RASA4B: variants seen among roughly 807,000 people sequenced by gnomAD.
RASA4B encodes the protein RAS p21 protein activator 4B, also known as ras GTPase-activating protein 4B.
A neutral mutation model predicts 24.2 loss-of-function variants in RASA4B; 2 were observed. The ratio of observed to expected loss-of-function variants is 0.08; its 90% CI spans 0.03 to 0.26. The LOEUF is 0.26. RASA4B is among the 10% of genes least tolerant of loss of function. The pLI is 1.00. For synonymous variants in RASA4B, 2 were observed against 125.6 expected, an observed-to-expected ratio of 0.02 and a Z score of 6.58; for missense variants, 8 against 277.2, an observed-to-expected ratio of 0.03 and a Z score of 6.90.
intron 5 of RASA4B, among the ~76,000 whole-genome samples, chr7:102,506,407 C>G (rs1385846826): frequency 6.6e-6 from 1 of 152,002 alleles, no homozygotes; most frequent in Non-Finnish European, 1.5e-5. Context: ...CCACCATGCC[C>G]GGCTAATTGT....
intron 18 of RASA4B, among the ~76,000 whole-genome samples, chr7:102,486,909 T>C (rs1347301972): frequency 9.7e-5 from 1 of 10,288 alleles, no homozygotes; most frequent in African/African-American, 1.4e-4. Flanking sequence ...ACTCCTGAGC[T>C]CAGGCAATCC....
intron 8 of RASA4B, among the ~76,000 whole-genome samples, chr7:102,500,366 G>A (rs1799320418): frequency 9.2e-6 from 1 of 108,786 alleles, no homozygotes; most frequent in Non-Finnish European, 2.0e-5. Flanking sequence ...CAGCTACTTG[G>A]GAGGCTGAGG....
intron 8 of RASA4B, among the ~76,000 whole-genome samples, chr7:102,499,191 A>AGTAT (rs1554583910): frequency 1.2e-5 from 1 of 86,376 alleles, no homozygotes; most frequent in East Asian, 4.4e-4. Flanking sequence ...GCTCAAAAAA[A>AGTAT]AAATATATAT....
intron 1 of RASA4B, among the ~76,000 whole-genome samples, chr7:102,513,033 C>T (rs1226963100): frequency 1.3e-5 from 2 of 152,180 alleles, no homozygotes; most frequent in Non-Finnish European, 2.9e-5. Context: ...CAGCTCCAAG[C>T]AACAGCCCCA....
intron 1 of RASA4B, among the ~76,000 whole-genome samples, chr7:102,513,155 C>T (rs1365757558): frequency 7.0e-6 from 1 of 143,062 alleles, no homozygotes; most frequent in East Asian, 2.0e-4. Flanking sequence ...CCTGCCCAGT[C>T]GGCCTTCAGC....
rs1410513477 is a variant in RASA4B at position 102,481,186 on chromosome 7, C to T, written c.*2406G>A. ...GTGTAGCCATCACCACTATTTAGTT[C>T]AAAAATTTCAAGTCTCCTTTATTTT... On this transcript the variant is annotated 3_prime_UTR_variant, in exon 21 of 21. Transcript: ENST00000465829. Among the ~76,000 whole-genome samples, 2 of 88,178 alleles carry T rather than the reference C, an allele frequency of 2.3e-5. No individual in the cohort carries two copies. Among genetic ancestry groups the T allele is most frequent in the Non-Finnish European group, 5.5e-5 (2 of 36,068 alleles). The allele number at this position is 88,178 out of a possible 152,430, so 57.8% of individuals were successfully genotyped here. A position where few individuals can be genotyped will look rare whatever the true frequency, so the allele number is the denominator to read the frequency against.
chr7:102,489,782 T>C, intron 17 of RASA4B, among the ~76,000 whole-genome samples: 1 of 43,056 alleles, frequency 2.3e-5, no homozygotes, highest in Non-Finnish European at 4.3e-5. Flanking sequence ...ACAATTTGCT[T>C]TTTTTTTTTT....
chr7:102,487,950 CA>C (rs1798768414), intron 18 of RASA4B: 1 of 2,406 alleles, frequency 4.2e-4, no homozygotes, highest in African/African-American at 1.9e-3. Flanking sequence ...ACAACAACAA[CA>C]ACAACAAAAC....
At position 102,480,205 on chromosome 7, in the gene RASA4B, T is replaced by TAG. The variant is rs1179529297; in HGVS notation, c.*3385_*3386dup. Among the ~76,000 whole-genome samples the TAG allele has an allele frequency of 3.3e-5, 5 of 152,154 alleles. No individual in the cohort carries two copies. Among genetic ancestry groups the TAG allele is most frequent in the African/African-American group, 9.6e-5 (4 of 41,456 alleles). On this transcript the variant is annotated 3_prime_UTR_variant, in exon 21 of 21. Transcript: ENST00000465829. ...ACCTGTTGCCAAGCCCACCGTGGTC[T>TAG]AGCTGTAGCGTTAGTGTCAAGGAAA...
intron 17 of RASA4B, among the ~76,000 whole-genome samples, chr7:102,490,707 C>T (rs1291407642): frequency 6.6e-6 from 1 of 152,004 alleles, no homozygotes; most frequent in South Asian, 2.1e-4. Context: ...ATCCAGTCCA[C>T]TCAGGCCCCT....
chr7:102,480,327 G>A lies in RASA4B; in HGVS notation c.*3265C>T, dbSNP rs1193630978. Among the ~76,000 whole-genome samples, 4 of 151,894 alleles carry A rather than the reference G, an allele frequency of 2.6e-5. No homozygotes were observed. The highest frequency in any genetic ancestry group is 5.9e-5 in the Non-Finnish European group (4 of 67,966). Reference sequence around the variant, plus strand: ...TCAGGGGGACCCATGCTTCTGCTCAGGGGGTTGGCAGAAGCCAGCAAGGCT... The same window carrying A: ...TCAGGGGGACCCATGCTTCTGCTCAAGGGGTTGGCAGAAGCCAGCAAGGCT... On this transcript the variant is annotated 3_prime_UTR_variant, in exon 21 of 21. Transcript: ENST00000465829.
At position 102,480,166 on chromosome 7, in the gene RASA4B, G is replaced by C. The variant is rs1241087646; in HGVS notation, c.*3426C>G. On this transcript the variant is annotated 3_prime_UTR_variant, in exon 21 of 21. Coordinates refer to ENST00000465829, the MANE Select transcript of RASA4B (RefSeq NM_001367767.2). The stretch of plus-strand genomic sequence containing the variant: ...GCTCCTTGGTCTAGCGGTAACGCCA[G>C]CATCTGGGAAGACACCTGTTGCCAA... Among the ~76,000 whole-genome samples, 6 of 152,264 alleles carry C rather than the reference G, an allele frequency of 3.9e-5. No individual in the cohort carries two copies. The East Asian group carries it at 9.7e-4, about 24-fold the overall frequency.
chr7:102,489,777 T>C (rs1203778395), intron 17 of RASA4B, among the ~76,000 whole-genome samples: 11 of 136,542 alleles, frequency 8.1e-5, no homozygotes, highest in Non-Finnish European at 1.1e-4. Flanking sequence ...CTATCACAAT[T>C]TGCTTTTTTT....
At chr7:102,489,437 C>T (rs1798820193) in intron 17 of RASA4B, among the ~76,000 whole-genome samples, 1 of 131,758 alleles carries the variant, frequency 7.6e-6, no homozygotes, top group South Asian at 2.8e-4. Context: ...AAGGTCCCTG[C>T]TCGAATGCCA....
rs1171958461 is a variant in RASA4B, at chr7:102,481,513, G to C, written c.*2079C>G. On this transcript the variant is annotated 3_prime_UTR_variant, in exon 21 of 21. Coordinates refer to ENST00000465829, the MANE Select transcript of RASA4B (RefSeq NM_001367767.2). ...AACTCCGTCTCTACTAAAAATACAA[G>C]AATTAGCTGGGCATGGTGGCACACG... Among the ~76,000 whole-genome samples, 1 of 120,142 alleles carries C rather than the reference G, an allele frequency of 8.3e-6. No homozygotes were observed. Among genetic ancestry groups the C allele is most frequent in the African/African-American group, 2.9e-5 (1 of 34,416 alleles). 78.8% of individuals were successfully genotyped at this position (120,142 alleles called of 152,430 possible).
At chr7:102,489,780 CTTTTTTTTTTTT>C (rs58482585) in intron 17 of RASA4B, among the ~76,000 whole-genome samples, 1 of 110,510 alleles carries the variant, frequency 9.0e-6, no homozygotes, top group African/African-American at 3.1e-5. Context: ...TCACAATTTG[CTTTTTTTTTTTT>C]TTTTTTTTTT....
At chr7:102,510,729 TCCTGA>T (rs1294223130) in intron 2 of RASA4B, among the ~76,000 whole-genome samples, 1 of 151,560 alleles carries the variant, frequency 6.6e-6, no homozygotes, top group Non-Finnish European at 1.5e-5. Flanking sequence ...GCTCTCGAAC[TCCTGA>T]CCTCAGGTGA....
rs1452724599 is a variant in RASA4B at position 102,493,947 on chromosome 7, A to C, written c.1538T>G (p.Met513Arg). The change falls in exon 15 of 21, where the codon ATG (methionine) becomes AGG (arginine). Residue 513 changes from methionine (M) to arginine (R), a missense_variant. Met to Arg is a moderately conservative substitution (Grantham distance 91). Transcript: ENST00000465829. ...CTTGGCCCTGGAAGCCGGCGTGTCC[A>C]TGTTGCCCACGTTCTGGACTGCCTG... is the stretch of plus-strand genomic sequence containing the variant. ...LAKAVQNVGN[M>R]DTPASRAKEA... is the part of the protein sequence containing the mutation. 1 of 428,940 alleles carries C rather than the reference A, an allele frequency of 2.3e-6. No individual in the cohort carries two copies. The highest frequency in any genetic ancestry group is 1.7e-5 in the African/African-American group (1 of 59,094). The allele number at this position is 428,940 out of a possible 1,614,324, so 26.6% of individuals were successfully genotyped here.
At chr7:102,507,076 CGTT>C (rs1799543738) in intron 4 of RASA4B, among the ~76,000 whole-genome samples, 1 of 14,132 alleles carries the variant, frequency 7.1e-5, no homozygotes, top group Admixed American at 1.7e-3. Context: ...TCATTTTTGT[CGTT>C]GTTGTTTTTA....
Sources: allele counts gnomAD v4.1 joint callset (sites outside exome capture counted in the v4.1 genomes callset), GRCh38; gene constraint gnomAD v4.1.1; transcripts MANE v1.5; gene names NCBI Gene and HGNC (gene_info 2026-07-23, HGNC 2026-07-21).